Variants in PTPN3 observed in about 807,000 individuals in gnomAD.
The protein encoded by PTPN3 is protein tyrosine phosphatase non-receptor type 3, also known as tyrosine-protein phosphatase non-receptor type 3.
A neutral mutation model predicts 132.7 loss-of-function variants in PTPN3; 96 were observed. The observed-to-expected ratio is 0.72, with a 90% CI of 0.61 to 0.86. PTPN3 has a LOEUF of 0.86. Among genes scored for constraint, PTPN3 ranks in the 40% least tolerant of loss-of-function variants. The pLI, the probability that PTPN3 is intolerant of heterozygous loss-of-function variation, is 0.00. For synonymous variants in PTPN3, 398 were observed against 429.0 expected, an observed-to-expected ratio of 0.93 and a Z score of 0.89; for missense variants, 1,125 against 1,159.6, an observed-to-expected ratio of 0.97 and a Z score of 0.43.
chr9:109,523,510 T>A, the PTPN3 span, among the ~76,000 whole-genome samples: 4 of 151,014 alleles, frequency 2.6e-5, no homozygotes, highest in African/African-American at 7.4e-5. Flanking sequence ...TCTGACCTCC[T>A]AATAAGTTTC....
In PTPN3 at chr9:109,375,863, CAG is replaced by C. The variant is rs1312265450; in HGVS notation, c.*3691_*3692del. ...ACACAAATCCTTTGGTTGCTCCAAA[CAG>C]AATGAGAGCTATGAGAATGGTGGCC... On this transcript the variant is annotated 3_prime_UTR_variant, in exon 26 of 26. Coordinates refer to ENST00000374541, the MANE Select transcript of PTPN3 (RefSeq NM_002829.4). 5 of 152,198 alleles carry C rather than the reference CAG, an allele frequency of 3.3e-5. No individual in the cohort carries two copies. The highest frequency in any genetic ancestry group is 5.9e-5 in the Non-Finnish European group (4 of 68,044). The allele number at this position is 152,198 out of a possible 1,614,324, so 9.4% of individuals were successfully genotyped here.
In PTPN3 at chr9:109,390,667, C is replaced by T. The variant is rs140003459; in HGVS notation, c.2106+471G>A. 4.5e-3 allele frequency among the ~76,000 whole-genome samples: 691 copies of T among 152,114 alleles called. 19 individuals are homozygous for T. Among genetic ancestry groups the T allele is most frequent in the Admixed American group, 0.042 (642 of 15,278 alleles). ...GAGGCCAAGTAAGTTGCCCAAGATGCGTTTTTAGAGAGAAAATAAGTGCTT... is the reference window on the plus strand; with the variant it reads ...GAGGCCAAGTAAGTTGCCCAAGATGTGTTTTTAGAGAGAAAATAAGTGCTT... On this transcript the variant is annotated intron_variant, in intron 21 of 25. Coordinates refer to ENST00000374541, the MANE Select transcript of PTPN3 (RefSeq NM_002829.4).
intron 14 of PTPN3, among the ~76,000 whole-genome samples, chr9:109,411,855 A>G (rs1283647321): frequency 1.3e-5 from 2 of 152,236 alleles, no homozygotes; most frequent in Non-Finnish European, 2.9e-5. Context: ...ACACAGCGAT[A>G]CAGTAGGACA....
At chr9:109,406,384 G>A (rs966076637) in intron 18 of PTPN3, 78 bp downstream of exon 18, 1 of 1,458,680 alleles carries the variant, frequency 6.9e-7, no homozygotes, top group African/African-American at 1.4e-5. Context: ...ACATTTTCAA[G>A]AGCAGATAAA....
rs933352971 is a variant in PTPN3, at chr9:109,410,308, T to A, written c.1421A>T (p.Asp474Val). The change falls in exon 15 of 26, where the codon GAT becomes GTT. Residue 474 changes from aspartate (D) to valine (V), a missense_variant. Asp to Val is a radical substitution (Grantham distance 152, BLOSUM62 -3). Coordinates refer to ENST00000374541, the MANE Select transcript of PTPN3 (RefSeq NM_002829.4). ...GTGGAAGTCATCTAAGAGCTGCTGA[T>A]CAACGCCGTCAGGTGAGCAGGAGCC... ...APGSCSPDGVDQQLLDDFHRV... is the reference protein window; with the variant it reads ...APGSCSPDGVVQQLLDDFHRV... 6.2e-7 allele frequency: 1 copy of A among 1,614,030 alleles called. No individual in the cohort carries two copies. Among genetic ancestry groups the A allele is most frequent in the African/African-American group, 1.3e-5 (1 of 74,900 alleles).
rs768462820 is a variant in PTPN3, at chr9:109,457,355, G to C, written c.183C>G (p.His61Gln). ...GQVLLDMVHN[H>Q]LGVTEKEYFG... is the part of the protein sequence containing the mutation. ...AATATTCCTTTTCAGTCACACCCAG[G>C]TGGTTGTGCACCATATCCAGAAGAA... Residue 61 changes from histidine to glutamine, a missense_variant, in exon 3 of 26, where the codon CAC becomes CAG. Physicochemically the swap from His to Gln is conservative, Grantham distance 24 (BLOSUM62 0). Coordinates refer to ENST00000374541, the MANE Select transcript of PTPN3 (RefSeq NM_002829.4). The C allele has an allele frequency of 6.2e-7, 1 of 1,614,192 alleles. No individual in the cohort carries two copies. Among genetic ancestry groups the C allele is most frequent in the South Asian group, 1.1e-5 (1 of 91,086 alleles).
rs559426516 is a variant in PTPN3, at chr9:109,436,004, T to A, written c.675+879A>T. On this transcript the variant is annotated intron_variant, in intron 9 of 25. Coordinates refer to ENST00000374541, the MANE Select transcript of PTPN3 (RefSeq NM_002829.4). ...AATCTGATCATTTACTCAATCTCTA[T>A]GAGCCTCGGTTTTCTCATCTATAAA... 2.0e-5 allele frequency among the ~76,000 whole-genome samples: 3 copies of A among 152,352 alleles called. No homozygotes were observed. In the East Asian group the frequency reaches 5.8e-4, roughly 29 times the overall value.
chr9:109,459,651 G>A (rs1040754347), intron 2 of PTPN3, among the ~76,000 whole-genome samples: 4 of 152,256 alleles, frequency 2.6e-5, no homozygotes, highest in Middle Eastern at 3.4e-3. Context: ...CTGGGCTCAA[G>A]GGATCCTCCT....
intron 23 of PTPN3, among the ~76,000 whole-genome samples, chr9:109,382,804 A>C (rs1588283586): frequency 1.4e-5 from 2 of 145,432 alleles, no homozygotes; most frequent in African/African-American, 2.6e-5. Context: ...GAGGCTTACC[A>C]CTGTAACCAC....
intron 18 of PTPN3, among the ~76,000 whole-genome samples, chr9:109,405,704 C>G (rs1400412836): frequency 6.6e-6 from 1 of 152,220 alleles, no homozygotes; most frequent in Non-Finnish European, 1.5e-5. Context: ...ATTCTCCTGC[C>G]TCAGCCTCCT....
chr9:109,455,964 G>A (rs923575979), intron 4 of PTPN3, among the ~76,000 whole-genome samples: 3 of 152,128 alleles, frequency 2.0e-5, no homozygotes, highest in African/African-American at 7.3e-5. Flanking sequence ...CTCATTCCTG[G>A]GGACTTGGAT....
chr9:109,425,676 G>A (rs1843208243), intron 12 of PTPN3, among the ~76,000 whole-genome samples: 1 of 148,730 alleles, frequency 6.7e-6, no homozygotes, highest in Admixed American at 6.7e-5. Flanking sequence ...ACTCTAGCCT[G>A]GGCGACAGAG....
intron 10 of PTPN3, among the ~76,000 whole-genome samples, chr9:109,432,211 A>G (rs1196706810): frequency 6.6e-6 from 1 of 151,870 alleles, no homozygotes; most frequent in African/African-American, 2.4e-5. Flanking sequence ...GTTTCAGGTA[A>G]TGAAATTCTA....
At chr9:109,438,944 TTA>T (rs1400828787) in intron 7 of PTPN3, among the ~76,000 whole-genome samples, 4 of 152,126 alleles carry the variant, frequency 2.6e-5, no homozygotes, top group Non-Finnish European at 5.9e-5. Context: ...GGGAATCACA[TTA>T]GGGACCTGCA....
intron 23 of PTPN3, 174 bp downstream of exon 23, chr9:109,383,249 C>CTG: frequency 8.8e-7 from 1 of 1,130,300 alleles, no homozygotes; most frequent in Non-Finnish European, 1.3e-6. Context: ...CCTGTTGTGA[C>CTG]TAGGGCCACT....
chr9:109,410,396 G>A lies in PTPN3; in HGVS notation c.1333C>T (p.Pro445Ser), dbSNP rs747521000. The part of the protein sequence containing the change: ...PHQESLSENN[P>S]AQSYLTQKSS... ...TTCTGGGTCAGGTAGCTTTGTGCCG[G>A]ATTGTTCTCGGATAAACTCCTTCAT... Residue 445 changes from proline (P) to serine (S), a missense_variant, in exon 15 of 26, where the codon CCG becomes TCG. Physicochemically the swap from Pro to Ser is moderately conservative, Grantham distance 74 (BLOSUM62 -1). Coordinates refer to ENST00000374541, the MANE Select transcript of PTPN3 (RefSeq NM_002829.4). 3 of 1,614,124 alleles carry A rather than the reference G, an allele frequency of 1.9e-6. No homozygotes were observed. The South Asian group carries it at 3.3e-5, about 18-fold the overall frequency.
At chr9:109,523,375 A>C in the PTPN3 span, among the ~76,000 whole-genome samples, 1 of 152,096 alleles carries the variant, frequency 6.6e-6, no homozygotes, top group Non-Finnish European at 1.5e-5. Flanking sequence ...TGGCCTCCCA[A>C]AGTGCTGGGA....
At chr9:109,523,870 C>T in the PTPN3 span, among the ~76,000 whole-genome samples, 1 of 124,776 alleles carries the variant, frequency 8.0e-6, no homozygotes, top group Non-Finnish European at 1.7e-5. Context: ...TTCTTTCCTT[C>T]CTCTTTCAAC....
At chr9:109,392,147 T>A (rs1840177489) in intron 19 of PTPN3, among the ~76,000 whole-genome samples, 1 of 152,206 alleles carries the variant, frequency 6.6e-6, no homozygotes, top group Non-Finnish European at 1.5e-5. Flanking sequence ...ATTAGACATA[T>A]TTGTATGGTA....
Sources: gnomAD v4.1 joint callset for allele counts (sites outside exome capture counted in the v4.1 genomes callset) on GRCh38, gnomAD v4.1.1 for gene constraint, MANE v1.5 for transcripts, NCBI Gene and HGNC (gene_info 2026-07-23, HGNC 2026-07-21) for gene names.